The following JAML variants were observed in gnomAD, a reference collection of about 807,000 sequenced individuals.
The protein encoded by JAML is junction adhesion molecule like, also known as junctional adhesion molecule-like.
Under a neutral mutation model 39.3 loss-of-function variants are expected in JAML, and 25 were observed. The observed-to-expected ratio is 0.64, with a 90% CI of 0.46 to 0.89. JAML has a LOEUF of 0.89. Among genes scored for constraint, JAML ranks in the 40% least tolerant of loss-of-function variants. The pLI is 0.00. For missense variants in JAML, 440 were observed against 486.9 expected (o/e 0.90, Z 0.91); for synonymous variants, 162 against 179.2 (o/e 0.90, Z 0.77).
intron 8 of JAML, chr11:118,197,689 G>GTATCTT: frequency 3.5e-6 from 1 of 284,504 alleles, no homozygotes; most frequent in Non-Finnish European, 6.7e-6. Context: ...GGCAACTATA[G>GTATCTT]TATCTTTATC....
At chr11:118,196,025 G>A (rs1948645559) in intron 9 of JAML, among the ~76,000 whole-genome samples, 1 of 151,504 alleles carries the variant, frequency 6.6e-6, no homozygotes, top group African/African-American at 2.4e-5. Flanking sequence ...GTAAGACAGT[G>A]TTTCACCATG....
At chr11:118,224,264 G>C (rs1489190951) in intron 1 of JAML, among the ~76,000 whole-genome samples, 1 of 152,196 alleles carries the variant, frequency 6.6e-6, no homozygotes, top group Non-Finnish European at 1.5e-5. Flanking sequence ...CTCTTCTCCA[G>C]AGTAGGTTAT....
In JAML at chr11:118,200,540, A is replaced by G. The variant is rs1420977813; in HGVS notation, c.845T>C (p.Val282Ala). ...GNQLVIIVGI[V>A]CATILLLPVL... The stretch of plus-strand genomic sequence containing the variant: ...AGGGAGCAGCAGGATTGTGGCACAG[A>G]CAATTCCCACAATGATCACCAACTG... The change falls in exon 7 of 10, where the codon GTC (valine) becomes GCC (alanine). Residue 282 changes from valine (V) to alanine (A), a missense_variant. Transcript: ENST00000356289. The G allele has an allele frequency of 2.5e-6, 4 of 1,614,090 alleles. No homozygotes were observed. In the Middle Eastern group the frequency reaches 4.9e-4, roughly 200 times the overall value.
At chr11:118,197,113 T>C in intron 8 of JAML, 1 of 324,810 alleles carries the variant, frequency 3.1e-6, no homozygotes, top group East Asian at 7.8e-5. Context: ...CTAAATTCCT[T>C]GTATTCTGGG....
chr11:118,194,473 T>G lies in JAML; in HGVS notation c.1093-56A>C, dbSNP rs572528267. On this transcript the variant is annotated intron_variant, in intron 9 of 9. Transcript: ENST00000356289. ...ATGCTTGTAAGAAGTAGTTCCATAATCATAGCAGCTGCTGTTCATTGAGCT... is the reference window on the plus strand; with the variant it reads ...ATGCTTGTAAGAAGTAGTTCCATAAGCATAGCAGCTGCTGTTCATTGAGCT... The G allele has an allele frequency of 2.4e-5, 34 of 1,411,226 alleles. 1 individual carries two copies. In the African/African-American group the frequency reaches 4.2e-4, roughly 18 times the overall value. The allele number at this position is 1,411,226 out of a possible 1,614,324, so 87.4% of individuals were successfully genotyped here. A position where few individuals can be genotyped will look rare whatever the true frequency, so the allele number is the denominator to read the frequency against.
chr11:118,221,847 T>C (rs1020624220), intron 1 of JAML, among the ~76,000 whole-genome samples: 2 of 152,226 alleles, frequency 1.3e-5, no homozygotes, highest in East Asian at 3.8e-4. Context: ...TGAGTTACCT[T>C]TGGGGCAATT....
At chr11:118,210,005 C>A (rs1949013471) in intron 4 of JAML, among the ~76,000 whole-genome samples, 1 of 152,176 alleles carries the variant, frequency 6.6e-6, no homozygotes, top group Non-Finnish European at 1.5e-5. Context: ...GCTAGGATTA[C>A]AGGCATGAGC....
At chr11:118,217,068 C>T (rs941226822) in intron 1 of JAML, among the ~76,000 whole-genome samples, 1 of 152,202 alleles carries the variant, frequency 6.6e-6, no homozygotes, top group African/African-American at 2.4e-5. Context: ...CTGCAGCTCA[C>T]CAACCGCATG....
At chr11:118,203,161 G>A in intron 6 of JAML, 1 of 606,910 alleles carries the variant, frequency 1.6e-6, no homozygotes, top group South Asian at 1.5e-5. Context: ...AATGAGTGGG[G>A]TCTGGCAGAG....
chr11:118,203,381 C>T (rs752767650), intron 6 of JAML, 47 bp downstream of exon 6: 1 of 1,532,802 alleles, frequency 6.5e-7, no homozygotes, highest in Admixed American at 1.7e-5. Context: ...TGGCGCCATG[C>T]ACCAGCCAGG....
At chr11:118,221,549 TGATCTGAAAG>T (rs981059368) in intron 1 of JAML, among the ~76,000 whole-genome samples, 2 of 152,232 alleles carry the variant, frequency 1.3e-5, no homozygotes, top group African/African-American at 4.8e-5. Context: ...ATACCCTCGC[TGATCTGAAAG>T]GAGGCAGAGC....
chr11:118,211,792 C>T (rs572265365), intron 3 of JAML, among the ~76,000 whole-genome samples: 2 of 152,230 alleles, frequency 1.3e-5, no homozygotes, highest in African/African-American at 4.8e-5. Flanking sequence ...ATACACTGTT[C>T]CTCACTCCAA....
chr11:118,217,069 C>T (rs1407452074), intron 1 of JAML, among the ~76,000 whole-genome samples: 1 of 152,186 alleles, frequency 6.6e-6, no homozygotes, highest in Non-Finnish European at 1.5e-5. Flanking sequence ...TGCAGCTCAC[C>T]AACCGCATGG....
intron 5 of JAML, chr11:118,204,074 A>G (rs1948868891): frequency 4.8e-6 from 1 of 206,378 alleles, no homozygotes; most frequent in Non-Finnish European, 1.0e-5. Context: ...CCATTTTGGT[A>G]CATGGCAATG....
chr11:118,203,916 T>C, intron 5 of JAML: 1 of 461,984 alleles, frequency 2.2e-6, no homozygotes, highest in Admixed American at 3.4e-5. Flanking sequence ...AGGAGGACTT[T>C]CATTTTGTGC....
At chr11:118,200,338 A>G in intron 7 of JAML, 136 bp downstream of exon 7, 4 of 1,098,478 alleles carry the variant, frequency 3.6e-6, no homozygotes, top group Non-Finnish European at 1.3e-6. Flanking sequence ...CAGGGTTACC[A>G]CAGATGATTC....
intron 4 of JAML, among the ~76,000 whole-genome samples, chr11:118,207,240 C>G (rs984592376): frequency 3.3e-5 from 5 of 152,202 alleles, no homozygotes; most frequent in African/African-American, 1.2e-4. Flanking sequence ...ACTGAACATT[C>G]TGAGTCCTTT....
chr11:118,204,437 C>A (rs11216816), intron 5 of JAML: 24,973 of 152,546 alleles, frequency 0.16, 2,084 homozygotes, highest in Middle Eastern at 0.22. Context: ...ATGACCCAGC[C>A]CATCTCCCTT....
intron 1 of JAML, 143 bp from the exon 2 acceptor site, chr11:118,215,029 C>T: frequency 4.5e-6 from 3 of 662,060 alleles, no homozygotes; most frequent in East Asian, 2.7e-5. Flanking sequence ...GACGAGGTCC[C>T]AGCTCATTTG....
Sources: allele counts gnomAD v4.1 joint callset (sites outside exome capture counted in the v4.1 genomes callset), GRCh38; gene constraint gnomAD v4.1.1; transcripts MANE v1.5; gene names NCBI Gene and HGNC (gene_info 2026-07-23, HGNC 2026-07-21).